Variants in ZBTB20 observed in about 807,000 individuals in gnomAD.
The protein encoded by ZBTB20 is zinc finger and BTB domain containing 20, also known as zinc finger and BTB domain-containing protein 20.
A neutral mutation model predicts 56.9 loss-of-function variants in ZBTB20; 9 were observed. The ratio of observed to expected loss-of-function variants is 0.16; its 90% CI spans 0.10 to 0.28. The LOEUF is 0.28. ZBTB20 is among the 10% of genes least tolerant of loss of function. ZBTB20 has a pLI of 1.00. For missense variants in ZBTB20, 655 were observed against 1,003.0 expected (o/e 0.65, Z 4.69); for synonymous variants, 417 against 420.7 (o/e 0.99, Z 0.11).
chr3:114,895,533 T>A (rs2074839946), intron 4 of ZBTB20, among the ~76,000 whole-genome samples: 1 of 152,152 alleles, frequency 6.6e-6, no homozygotes, highest in South Asian at 2.1e-4. Context: ...AAATGTGGCA[T>A]GTATAGTTAG....
chr3:114,348,325 T>A (rs1356685222), intron 11 of ZBTB20, among the ~76,000 whole-genome samples: 3 of 152,206 alleles, frequency 2.0e-5, no homozygotes, highest in Non-Finnish European at 4.4e-5. Context: ...ATAAATCAGC[T>A]ATCCAGGGGA....
intron 4 of ZBTB20, among the ~76,000 whole-genome samples, chr3:114,899,646 TTCAGAG>T (rs1446928449): frequency 1.3e-5 from 2 of 152,142 alleles, no homozygotes; most frequent in South Asian, 2.1e-4. Context: ...GTAAGAATCT[TTCAGAG>T]TCAGAGTACA....
chr3:114,448,528 T>A (rs1361472422), intron 7 of ZBTB20, among the ~76,000 whole-genome samples: 1 of 152,098 alleles, frequency 6.6e-6, no homozygotes, highest in Non-Finnish European at 1.5e-5. Context: ...TCCAAGAGAT[T>A]GCAGGTTAAA....
intron 3 of ZBTB20, among the ~76,000 whole-genome samples, chr3:114,914,209 C>T (rs570977760): frequency 2.0e-5 from 3 of 152,096 alleles, no homozygotes; most frequent in South Asian, 2.1e-4. Flanking sequence ...AATTCATGAA[C>T]ATGGAATATC....
At chr3:114,383,708 A>G (rs544327775) in intron 8 of ZBTB20, 1 of 152,290 alleles carries the variant, frequency 6.6e-6, no homozygotes, top group African/African-American at 2.4e-5. Context: ...CACCCTCTCT[A>G]ATGGTTCTTC....
At chr3:114,577,756 A>G (rs1197239865) in intron 6 of ZBTB20, among the ~76,000 whole-genome samples, 3 of 152,242 alleles carry the variant, frequency 2.0e-5, no homozygotes, top group Non-Finnish European at 1.5e-5. Context: ...GCAGGACCTG[A>G]GAGCTGGAAG....
rs562527822 is a variant in ZBTB20, at chr3:114,784,006, G to A, written c.-343+17095C>T. Reference sequence around the variant, plus strand: ...ATCATTTTAATGAGGAGAAGTTAAAGTTGGTCTTTTCGTTGTGGTTCTTAA... The same window carrying A: ...ATCATTTTAATGAGGAGAAGTTAAAATTGGTCTTTTCGTTGTGGTTCTTAA... On this transcript the variant is annotated intron_variant, in intron 5 of 11. Transcript: ENST00000675478. 2.0e-5 allele frequency among the ~76,000 whole-genome samples: 3 copies of A among 152,114 alleles called. No individual in the cohort carries two copies. The South Asian group carries it at 6.2e-4, about 32-fold the overall frequency.
intron 7 of ZBTB20, among the ~76,000 whole-genome samples, chr3:114,399,756 G>A (rs1208253226): frequency 6.6e-6 from 1 of 151,990 alleles, no homozygotes; most frequent in Non-Finnish European, 1.5e-5. Flanking sequence ...TCTTCTTTTT[G>A]TAGTAAAAAT....
At chr3:114,525,989 T>C (rs893667514) in intron 6 of ZBTB20, among the ~76,000 whole-genome samples, 5 of 152,216 alleles carry the variant, frequency 3.3e-5, no homozygotes, top group African/African-American at 1.2e-4. Flanking sequence ...TCTTGGCAAT[T>C]TTAGTATATT....
chr3:114,781,861 C>G (rs565492313), intron 5 of ZBTB20, among the ~76,000 whole-genome samples: 1 of 152,320 alleles, frequency 6.6e-6, no homozygotes, highest in East Asian at 1.9e-4. Context: ...CTTCTCTCTT[C>G]CCTGCTGCCA....
At position 114,321,973 on chromosome 3, in the gene ZBTB20, C is replaced by A. The variant is rs970136780; in HGVS notation, c.*17032G>T. The A allele has an allele frequency of 5.9e-5, 9 of 152,260 alleles. No homozygotes were observed. Among genetic ancestry groups the A allele is most frequent in the African/African-American group, 1.9e-4 (8 of 41,476 alleles). 9.4% of individuals were successfully genotyped at this position (152,260 alleles called of 1,614,324 possible). A position where few individuals can be genotyped will look rare whatever the true frequency, so the allele number is the denominator to read the frequency against. ...AGGCACTATCACAACAGATCAGCCTCCAAGCATTTTCCTTGCCATGGGCAT... is the reference window on the plus strand; with the variant it reads ...AGGCACTATCACAACAGATCAGCCTACAAGCATTTTCCTTGCCATGGGCAT... On this transcript the variant is annotated 3_prime_UTR_variant, in exon 12 of 12. Transcript: ENST00000675478.
intron 5 of ZBTB20, among the ~76,000 whole-genome samples, chr3:114,795,013 A>T (rs1392749349): frequency 6.6e-6 from 1 of 152,148 alleles, no homozygotes; most frequent in Non-Finnish European, 1.5e-5. Flanking sequence ...ACTTAAAAAT[A>T]AACAAAAACA....
chr3:115,084,916 T>C (rs1295343020), intron 1 of ZBTB20, among the ~76,000 whole-genome samples: 5 of 151,994 alleles, frequency 3.3e-5, no homozygotes, highest in African/African-American at 1.2e-4. Context: ...TCATGGTCTT[T>C]ATTTTCCAGT....
chr3:115,073,583 C>A (rs1431817714), intron 1 of ZBTB20, among the ~76,000 whole-genome samples: 1 of 152,008 alleles, frequency 6.6e-6, no homozygotes, highest in Non-Finnish European at 1.5e-5. Context: ...AGTGCTGTAC[C>A]ATTCAATGGC....
At chr3:115,039,859 T>C (rs2081071891) in intron 2 of ZBTB20, among the ~76,000 whole-genome samples, 2 of 151,958 alleles carry the variant, frequency 1.3e-5, no homozygotes. Context: ...AGATATAAAT[T>C]ATGGCCATCT....
Position 115,102,093 on chromosome 3 carries a change from C to T in ZBTB20, c.-702-30679G>A, listed in dbSNP as rs150102881. On this transcript the variant is annotated intron_variant, in intron 1 of 11. Transcript: ENST00000675478. ...CATTAGAATGTAATATCTACCTATA[C>T]ATTATACAAGCTATCCTGGGAAAAT... 4.1e-3 allele frequency among the ~76,000 whole-genome samples: 627 copies of T among 152,272 alleles called. 4 individuals carry two copies. Among genetic ancestry groups the T allele is most frequent in the African/African-American group, 0.014 (595 of 41,572 alleles).
chr3:114,853,674 G>T (rs1641816299), intron 4 of ZBTB20, among the ~76,000 whole-genome samples: 3 of 152,100 alleles, frequency 2.0e-5, no homozygotes, highest in African/African-American at 7.2e-5. Flanking sequence ...AAGCATATTT[G>T]CATTTAAATA....
chr3:115,067,818 A>T (rs2082262959), intron 2 of ZBTB20, among the ~76,000 whole-genome samples: 1 of 152,102 alleles, frequency 6.6e-6, no homozygotes, highest in African/African-American at 2.4e-5. Context: ...ACTAAAGCTA[A>T]CTTGCTAGCC....
In ZBTB20 at chr3:114,328,323, C is replaced by T. The variant is rs1394419501; in HGVS notation, c.*10682G>A. ...TGGCTTTTCTTGTTTGAGAAGAGCT[C>T]ACTAAGGCTTGAACAGTTATCAAAA... On this transcript the variant is annotated 3_prime_UTR_variant, in exon 12 of 12. Coordinates refer to ENST00000675478, the MANE Select transcript of ZBTB20 (RefSeq NM_001348800.3). The T allele has an allele frequency of 6.6e-6, 1 of 151,908 alleles. No individual in the cohort carries two copies. The highest frequency in any genetic ancestry group is 1.5e-5 in the Non-Finnish European group (1 of 67,982). 9.4% of individuals were successfully genotyped at this position (151,908 alleles called of 1,614,324 possible).
Sources: gnomAD v4.1 joint callset for allele counts (sites outside exome capture counted in the v4.1 genomes callset) on GRCh38, gnomAD v4.1.1 for gene constraint, MANE v1.5 for transcripts, NCBI Gene and HGNC (gene_info 2026-07-23, HGNC 2026-07-21) for gene names.